Variants in WDR59 observed in about 807,000 individuals in gnomAD.
WDR59 encodes the protein WD repeat domain 59, also known as GATOR2 complex protein WDR59.
In WDR59, 100 loss-of-function variants were observed where a neutral mutation model predicts 131.2. The ratio of observed to expected loss-of-function variants is 0.76; its 90% CI spans 0.65 to 0.90. The LOEUF is 0.90. Ranked by LOEUF, WDR59 falls within the 40% of genes least tolerant of loss-of-function variation. The probability of loss-of-function intolerance (pLI) is 0.00; values close to 1 mark genes in which losing one functional copy is unlikely to be tolerated. For synonymous variants in WDR59, 601 were observed against 466.2 expected (o/e 1.29, Z -3.72); for missense variants, 1,203 against 1,262.2 (o/e 0.95, Z 0.71).
At chr16:74,942,314 C>T (rs2032296932) in intron 7 of WDR59, among the ~76,000 whole-genome samples, 1 of 152,136 alleles carries the variant, frequency 6.6e-6, no homozygotes, top group Non-Finnish European at 1.5e-5. Flanking sequence ...GGATGGCAGG[C>T]ATCCGAGAAC....
intron 8 of WDR59, among the ~76,000 whole-genome samples, chr16:74,929,647 A>C (rs1051630256): frequency 2.0e-5 from 3 of 152,090 alleles, no homozygotes; most frequent in African/African-American, 7.2e-5. Context: ...AAAGAATAGA[A>C]CTATCATATG....
chr16:74,970,426 G>C (rs1006252855), intron 1 of WDR59, among the ~76,000 whole-genome samples: 1 of 145,724 alleles, frequency 6.9e-6, no homozygotes, highest in African/African-American at 2.5e-5. Context: ...AACCCAGGAG[G>C]CGGAGCTTGC....
At chr16:74,969,394 T>C (rs1280585015) in intron 1 of WDR59, among the ~76,000 whole-genome samples, 1 of 151,774 alleles carries the variant, frequency 6.6e-6, no homozygotes, top group Non-Finnish European at 1.5e-5. Context: ...GGCCTCAGCC[T>C]CCTGAGTAGG....
intron 7 of WDR59, among the ~76,000 whole-genome samples, chr16:74,939,497 GA>G (rs373082094): frequency 1.3e-5 from 2 of 148,350 alleles, no homozygotes; most frequent in South Asian, 2.1e-4. Flanking sequence ...AATGTTAAAT[GA>G]AAAAAAAGTG....
chr16:74,929,110 T>C lies in WDR59; in HGVS notation c.652-5107A>G, dbSNP rs184449043. On this transcript the variant is annotated intron_variant, in intron 8 of 25. Transcript: ENST00000262144. The stretch of plus-strand genomic sequence containing the variant: ...CTTTTCTTGAGACGGAGTCTCACTC[T>C]GTCGCCCGGGCTGGAGTGCAGTGGT... Among the ~76,000 whole-genome samples, 632 of 152,268 alleles carry C rather than the reference T, an allele frequency of 4.2e-3. 2 individuals carry two copies. The highest frequency in any genetic ancestry group is 7.0e-3 in the Non-Finnish European group (478 of 68,022).
In WDR59 at chr16:74,890,670, C is replaced by T. The variant is rs547329770; in HGVS notation, c.2083-855G>A. Among the ~76,000 whole-genome samples the T allele has an allele frequency of 2.0e-5, 3 of 152,216 alleles. No homozygotes were observed. In the East Asian group the frequency reaches 5.8e-4, roughly 29 times the overall value. On this transcript the variant is annotated intron_variant, in intron 20 of 25. Coordinates refer to ENST00000262144, the MANE Select transcript of WDR59 (RefSeq NM_030581.4). ...ATGGATTTGGCTTTCTTTTTGTTGA[C>T]ACCAAATCTGAGGAATACCTCCCCG... is the stretch of plus-strand genomic sequence containing the variant.
At chr16:74,887,907 C>T in intron 22 of WDR59, 152 bp from the exon 23 acceptor site, 1 of 884,458 alleles carries the variant, frequency 1.1e-6, no homozygotes, top group Non-Finnish European at 1.7e-6. Flanking sequence ...CACCTGAGGT[C>T]AGGGGTTCGA....
intron 15 of WDR59, 50 bp downstream of exon 15, chr16:74,909,772 G>A (rs577467425): frequency 6.3e-7 from 1 of 1,587,318 alleles, no homozygotes; most frequent in African/African-American, 1.4e-5. Context: ...AGAAAGAAAT[G>A]AAACAAAACA....
At chr16:74,975,767 A>G (rs2034155723) in intron 1 of WDR59, among the ~76,000 whole-genome samples, 1 of 152,086 alleles carries the variant, frequency 6.6e-6, no homozygotes, top group South Asian at 2.1e-4. Context: ...CAGGTGGCAT[A>G]ACCTAAATCT....
intron 18 of WDR59, among the ~76,000 whole-genome samples, chr16:74,894,327 C>A (rs1161932899): frequency 1.3e-5 from 2 of 152,088 alleles, no homozygotes; most frequent in African/African-American, 4.8e-5. Context: ...GGAGAATTAC[C>A]CCGTTTTTCT....
At chr16:74,974,990 C>T (rs1357596438) in intron 1 of WDR59, among the ~76,000 whole-genome samples, 2 of 152,156 alleles carry the variant, frequency 1.3e-5, no homozygotes, top group Non-Finnish European at 2.9e-5. Context: ...ACTGTGAAGC[C>T]TCCTTATAAG....
intron 8 of WDR59, among the ~76,000 whole-genome samples, chr16:74,924,877 T>C (rs2030622788): frequency 1.3e-5 from 2 of 152,098 alleles, no homozygotes. Context: ...CACCTCGGCC[T>C]CCCAAAGTGC....
intron 1 of WDR59, among the ~76,000 whole-genome samples, chr16:74,967,042 C>T (rs2033801712): frequency 6.6e-6 from 1 of 152,200 alleles, no homozygotes; most frequent in African/African-American, 2.4e-5. Context: ...CTCTCCAAGA[C>T]AGTATCAACG....
chr16:74,916,766 G>A (rs900497193), intron 11 of WDR59, among the ~76,000 whole-genome samples: 1 of 151,792 alleles, frequency 6.6e-6, no homozygotes, highest in Non-Finnish European at 1.5e-5. Flanking sequence ...GGCTGAGGCA[G>A]GAGAATCACT....
intron 5 of WDR59, 48 bp downstream of exon 5, chr16:74,949,670 T>A: frequency 6.4e-7 from 1 of 1,561,408 alleles, no homozygotes; most frequent in Non-Finnish European, 8.8e-7. Context: ...AAAACAAAGG[T>A]CCCAAATCAC....
At chr16:74,984,643 A>AC in intron 1 of WDR59, 1 of 374,852 alleles carries the variant, frequency 2.7e-6, no homozygotes, top group Non-Finnish European at 4.9e-6. Context: ...GGAAGCCGTC[A>AC]CGCCCTCGCT....
intron 25 of WDR59, among the ~76,000 whole-genome samples, chr16:74,875,843 G>A (rs1320196098): frequency 6.6e-6 from 1 of 152,068 alleles, no homozygotes. Flanking sequence ...CTGGAGAAAG[G>A]CCCATGTTCA....
chr16:74,909,931 A>C lies in WDR59; in HGVS notation c.1390-14T>G, dbSNP rs767907028. On this transcript the variant is annotated splice_polypyrimidine_tract_variant and intron_variant, in intron 14 of 25. Transcript: ENST00000262144. The stretch of plus-strand genomic sequence containing the variant: ...GTCCTTCAGGATCTAGAAAAGGCCC[A>C]AAACACAGTCAAGAAGAGGAACACA... The C allele has an allele frequency of 3.8e-6, 6 of 1,598,270 alleles. No individual in the cohort carries two copies. The Admixed American group carries it at 1.1e-4, about 29-fold the overall frequency.
intron 11 of WDR59, among the ~76,000 whole-genome samples, chr16:74,917,060 T>C (rs1011420950): frequency 6.6e-6 from 1 of 152,050 alleles, no homozygotes; most frequent in African/African-American, 2.4e-5. Context: ...CTGTGGGAGA[T>C]CCAATACAAG....
Sources: allele counts gnomAD v4.1 joint callset (sites outside exome capture counted in the v4.1 genomes callset), GRCh38; gene constraint gnomAD v4.1.1; transcripts MANE v1.5; gene names NCBI Gene and HGNC (gene_info 2026-07-23, HGNC 2026-07-21).